Variants in GMCL1 observed in about 807,000 individuals in gnomAD.
GMCL1 encodes the protein germ cell-less 1, spermatogenesis associated.
Under a neutral mutation model 75.5 loss-of-function variants are expected in GMCL1, and 54 were observed. The ratio of observed to expected loss-of-function variants is 0.71; its 90% CI spans 0.57 to 0.90. The LOEUF (loss-of-function observed/expected upper bound fraction) is 0.90, where lower values mean the gene tolerates loss of function less well. Among genes scored for constraint, GMCL1 ranks in the 40% least tolerant of loss-of-function variants. The probability of loss-of-function intolerance (pLI) is 0.00; values close to 1 mark genes in which losing one functional copy is unlikely to be tolerated. For missense variants in GMCL1, 537 were observed against 622.7 expected, an observed-to-expected ratio of 0.86 and a Z score of 1.47; for synonymous variants, 210 against 209.6, an observed-to-expected ratio of 1.00 and a Z score of -0.02.
chr2:69,836,651 G>A (rs1674826326), intron 1 of GMCL1, among the ~76,000 whole-genome samples: 2 of 152,318 alleles, frequency 1.3e-5, no homozygotes, highest in Middle Eastern at 6.8e-3. Flanking sequence ...GGTTTTATGT[G>A]CTAGGAAAGC....
intron 9 of GMCL1, among the ~76,000 whole-genome samples, chr2:69,858,763 G>C (rs974249793): frequency 1.3e-5 from 2 of 152,140 alleles, no homozygotes; most frequent in Non-Finnish European, 2.9e-5. Context: ...ACTATGACAA[G>C]AGGAACAAAA....
intron 8 of GMCL1, among the ~76,000 whole-genome samples, chr2:69,850,777 T>A (rs1390702688): frequency 6.6e-6 from 1 of 152,200 alleles, no homozygotes; most frequent in African/African-American, 2.4e-5. Context: ...CATGGCTGAT[T>A]GATTGCAAGC....
At chr2:69,834,358 T>G (rs1418675101) in intron 1 of GMCL1, among the ~76,000 whole-genome samples, 1 of 152,202 alleles carries the variant, frequency 6.6e-6, no homozygotes, top group East Asian at 1.9e-4. Flanking sequence ...AATCCACTAT[T>G]TTGTGTAGCC....
At chr2:69,850,822 G>T (rs1675296786) in intron 8 of GMCL1, among the ~76,000 whole-genome samples, 1 of 152,122 alleles carries the variant, frequency 6.6e-6, no homozygotes, top group African/African-American at 2.4e-5. Context: ...GAAAGGAGAT[G>T]CACACAGCTC....
intron 11 of GMCL1, among the ~76,000 whole-genome samples, chr2:69,867,815 C>T (rs1391491526): frequency 6.6e-6 from 1 of 152,164 alleles, no homozygotes; most frequent in Non-Finnish European, 1.5e-5. Context: ...AGTGCTGCAT[C>T]ATGATCTGTC....
intron 13 of GMCL1, among the ~76,000 whole-genome samples, chr2:69,876,026 C>A (rs1676120638): frequency 6.6e-6 from 1 of 152,244 alleles, no homozygotes; most frequent in South Asian, 2.1e-4. Flanking sequence ...TGAAATGAAT[C>A]ATTTGTTCTA....
At chr2:69,847,224 T>G (rs1454609100) in intron 6 of GMCL1, among the ~76,000 whole-genome samples, 2 of 152,160 alleles carry the variant, frequency 1.3e-5, no homozygotes, top group East Asian at 1.9e-4. Flanking sequence ...TAAAGTTATC[T>G]TACCGGAACC....
At chr2:69,840,014 G>A (rs1202592975) in intron 3 of GMCL1, 2 of 154,822 alleles carry the variant, frequency 1.3e-5, no homozygotes, top group East Asian at 1.9e-4. Context: ...GAGCAGTTTA[G>A]TGAGCCTGTG....
chr2:69,861,699 A>G (rs983753142), intron 10 of GMCL1, among the ~76,000 whole-genome samples: 3 of 152,210 alleles, frequency 2.0e-5, no homozygotes, highest in African/African-American at 7.2e-5. Context: ...ATTTATGTCT[A>G]GGTAAATCTG....
Position 69,880,337 on chromosome 2 carries a change from T to C in GMCL1, c.*1333T>C, listed in dbSNP as rs370500430. 8.3e-4 allele frequency: 127 copies of C among 152,298 alleles called. 1 individual carries two copies. The highest frequency in any genetic ancestry group is 2.9e-3 in the African/African-American group (119 of 41,586). The allele number at this position is 152,298 out of a possible 1,614,324, so 9.4% of individuals were successfully genotyped here. Reference sequence around the variant, plus strand: ...TTTTTTCTTTCTAGTTAGGTTTTTTTCCCAACTCCTTTTAACTTTTGGAAT... The same window carrying C: ...TTTTTTCTTTCTAGTTAGGTTTTTTCCCCAACTCCTTTTAACTTTTGGAAT... On this transcript the variant is annotated 3_prime_UTR_variant, in exon 14 of 14. Transcript: ENST00000282570.
At chr2:69,878,632 A>G (rs1676190577) in intron 13 of GMCL1, among the ~76,000 whole-genome samples, 1 of 152,208 alleles carries the variant, frequency 6.6e-6, no homozygotes, top group African/African-American at 2.4e-5. Context: ...GAAAATAACT[A>G]CCATTATTGA....
In GMCL1 at chr2:69,869,773, A is replaced by G; in HGVS notation, c.1273A>G (p.Thr425Ala). ...NFGFDLLVTY[T>A]NRYIIFKRNT... ...CGGCTTCGACCTACTTGTAACTTAC[A>G]CCAATCGATACATCATTTTCAAACG... Residue 425 changes from threonine (T) to alanine (A), a missense_variant, in exon 12 of 14, where the codon ACC (threonine) becomes GCC (alanine). Coordinates refer to ENST00000282570, the MANE Select transcript of GMCL1 (RefSeq NM_178439.5). 6.2e-7 allele frequency: 1 copy of G among 1,614,030 alleles called. No homozygotes were observed. The highest frequency in any genetic ancestry group is 8.5e-7 in the Non-Finnish European group (1 of 1,179,990).
intron 5 of GMCL1, among the ~76,000 whole-genome samples, chr2:69,843,464 A>G (rs7571357): frequency 0.078 from 11,897 of 152,218 alleles, 1,573 homozygotes; most frequent in African/African-American, 0.27. Flanking sequence ...GTAAGTGACC[A>G]TAGGTGGGTT....
Position 69,832,377 on chromosome 2 carries a change from A to C in GMCL1, c.260+2225A>C, listed in dbSNP as rs186278221. 2.6e-3 allele frequency among the ~76,000 whole-genome samples: 390 copies of C among 152,374 alleles called. 2 individuals are homozygous for C. The highest frequency in any genetic ancestry group is 9.0e-3 in the African/African-American group (375 of 41,580). Reference sequence around the variant, plus strand: ...ATGTCTAGAATGTAAGCATGCAGTAAATATGTCTCCTTGATGAATTGGCCC... The same window carrying C: ...ATGTCTAGAATGTAAGCATGCAGTACATATGTCTCCTTGATGAATTGGCCC... On this transcript the variant is annotated intron_variant, in intron 1 of 13. Transcript: ENST00000282570.
intron 2 of GMCL1, 100 bp downstream of exon 2, chr2:69,837,770 T>C: frequency 7.4e-7 from 1 of 1,345,046 alleles, no homozygotes; most frequent in Admixed American, 2.5e-5. Flanking sequence ...ATGAACACCA[T>C]AGTGGTTAAA....
intron 1 of GMCL1, among the ~76,000 whole-genome samples, chr2:69,836,108 C>A (rs944517303): frequency 1.3e-5 from 2 of 152,204 alleles, no homozygotes; most frequent in Non-Finnish European, 1.5e-5. Context: ...CCTCTTCTTA[C>A]TTCTGCCTTT....
chr2:69,845,955 A>ATTTT (rs35362436), intron 6 of GMCL1, among the ~76,000 whole-genome samples: 1 of 143,884 alleles, frequency 7.0e-6, no homozygotes, highest in Non-Finnish European at 1.5e-5. Flanking sequence ...AATTTTACTG[A>ATTTT]TTTTTTTTTT....
chr2:69,874,103 T>C (rs1676058652), intron 13 of GMCL1, among the ~76,000 whole-genome samples: 1 of 152,176 alleles, frequency 6.6e-6, no homozygotes, highest in Non-Finnish European at 1.5e-5. Context: ...TCTCATTTTT[T>C]TTCATTACTA....
intron 13 of GMCL1, among the ~76,000 whole-genome samples, chr2:69,875,998 AC>A (rs1676120168): frequency 6.6e-6 from 1 of 152,120 alleles, no homozygotes; most frequent in African/African-American, 2.4e-5. Flanking sequence ...CCAGTATTTT[AC>A]ATTTCAGTTG....
Sources: allele counts gnomAD v4.1 joint callset (sites outside exome capture counted in the v4.1 genomes callset), GRCh38; gene constraint gnomAD v4.1.1; transcripts MANE v1.5; gene names NCBI Gene and HGNC (gene_info 2026-07-23, HGNC 2026-07-21).